VPS13C: variants seen among roughly 807,000 people sequenced by gnomAD.
The protein encoded by VPS13C is intermembrane lipid transfer protein VPS13C.
A neutral mutation model predicts 456.8 loss-of-function variants in VPS13C; 358 were observed. The observed-to-expected ratio is 0.78, with a 90% confidence interval of 0.72 to 0.86. The LOEUF is 0.86. Ranked by LOEUF, VPS13C falls within the 40% of genes least tolerant of loss-of-function variation. The pLI, the probability that VPS13C is intolerant of heterozygous loss-of-function variation, is 0.00. For missense variants in VPS13C, 4,818 were observed against 4,385.4 expected, an observed-to-expected ratio of 1.10 and a Z score of -2.79; for synonymous variants, 1,578 against 1,486.7, an observed-to-expected ratio of 1.06 and a Z score of -1.41.
At chr15:62,059,940 A>C (rs78775412) in intron 1 of VPS13C, among the ~76,000 whole-genome samples, 1,962 of 152,296 alleles carry the variant, frequency 0.013, 55 homozygotes, top group East Asian at 0.097. Context: ...CTCTGTTTTT[A>C]TGCTGTAGGG....
intron 78 of VPS13C, among the ~76,000 whole-genome samples, chr15:61,872,834 C>G (rs1459012162): frequency 6.6e-6 from 1 of 151,878 alleles, no homozygotes; most frequent in Non-Finnish European, 1.5e-5. Context: ...TCATATATTA[C>G]CTATATAATT....
chr15:61,939,725 T>C (rs2044351594), intron 47 of VPS13C, among the ~76,000 whole-genome samples: 1 of 152,196 alleles, frequency 6.6e-6, no homozygotes, highest in Non-Finnish European at 1.5e-5. Context: ...CGGAGCACGG[T>C]GGCTCACGCC....
intron 15 of VPS13C, among the ~76,000 whole-genome samples, chr15:62,001,073 A>G (rs1439679290): frequency 6.6e-6 from 1 of 152,232 alleles, no homozygotes; most frequent in Non-Finnish European, 1.5e-5. Context: ...ATTAGGCTAA[A>G]GTAGAAACTG....
At chr15:62,045,792 AC>A (rs1207235162) in intron 1 of VPS13C, among the ~76,000 whole-genome samples, 3 of 152,128 alleles carry the variant, frequency 2.0e-5, no homozygotes, top group African/African-American at 7.2e-5. Context: ...GGAAAGGAGG[AC>A]CTAAAGATCT....
At chr15:61,991,889 T>A in intron 16 of VPS13C, 87 bp from the exon 17 acceptor site, 5 of 260,700 alleles carry the variant, frequency 1.9e-5, no homozygotes, top group Non-Finnish European at 2.4e-5. Flanking sequence ...ACAATGGTTC[T>A]TTTTTTTTTT....
At chr15:61,962,943 T>C in intron 32 of VPS13C, 91 bp from the exon 33 acceptor site, 1 of 958,696 alleles carries the variant, frequency 1.0e-6, no homozygotes, top group Non-Finnish European at 1.4e-6. Context: ...TGGGGTGACT[T>C]TTTTAAATTT....
intron 18 of VPS13C, among the ~76,000 whole-genome samples, chr15:61,985,294 A>G (rs1333642990): frequency 6.6e-6 from 1 of 152,140 alleles, no homozygotes; most frequent in Admixed American, 6.5e-5. Context: ...GACTTGCTCT[A>G]TTGCCAGGCT....
chr15:61,928,912 A>G lies in VPS13C; in HGVS notation c.6286+589T>C, dbSNP rs562176907. Among the ~76,000 whole-genome samples the G allele has an allele frequency of 1.1e-4, 17 of 152,050 alleles. No individual in the cohort carries two copies. The South Asian group carries it at 3.1e-3, about 28-fold the overall frequency. On this transcript the variant is annotated intron_variant, in intron 51 of 84. Transcript: ENST00000644861. The stretch of plus-strand genomic sequence containing the variant: ...AAAAATTTTAAAAAAAAAGGAGAGA[A>G]GAGGAGAGGAGAGAACAGGAAAGAA...
intron 4 of VPS13C, among the ~76,000 whole-genome samples, chr15:62,034,442 TAA>T (rs1451349084): frequency 2.0e-5 from 3 of 151,580 alleles, no homozygotes; most frequent in Non-Finnish European, 4.4e-5. Context: ...AAAATAATAA[TAA>T]AGATATTACT....
rs199727933 is a variant in VPS13C, at chr15:61,997,447, T to C, written c.1353+3117A>G. On this transcript the variant is annotated intron_variant, in intron 16 of 84. Coordinates refer to ENST00000644861, the MANE Select transcript of VPS13C (RefSeq NM_020821.3). ...TGTGCTGACCCTTCCTACATTTCTA[T>C]ATCCAGCACAGACTCCTCTTCTGAA... is the stretch of plus-strand genomic sequence containing the variant. Among the ~76,000 whole-genome samples, 11 of 152,134 alleles carry C rather than the reference T, an allele frequency of 7.2e-5. No homozygotes were observed. In the East Asian group the frequency reaches 2.1e-3, roughly 29 times the overall value.
In VPS13C at chr15:61,991,761, G is replaced by A. The variant is rs1200248883; in HGVS notation, c.1395C>T (p.Asp465=). 2 of 1,612,844 alleles carry A rather than the reference G, an allele frequency of 1.2e-6. No homozygotes were observed. The highest frequency in any genetic ancestry group is 1.7e-6 in the Non-Finnish European group (2 of 1,179,610). ...SGQKLRKKSA[D]TGEKRGGWFS... is the part of the protein sequence containing the mutation. ...ACCAGCCTCCACGTTTCTCGCCTGT[G>A]TCAGCAGACTTTTTCCTTAATTTTT... Residue 465 remains aspartate (D), a synonymous_variant, in exon 17 of 85, where the codon GAC becomes GAT. Transcript: ENST00000644861.
At chr15:61,872,166 A>C (rs540074938) in intron 78 of VPS13C, 132 bp from the exon 79 acceptor site, 10 of 662,622 alleles carry the variant, frequency 1.5e-5, no homozygotes, top group Non-Finnish European at 2.0e-5. Context: ...TAACTTGATA[A>C]TGTGAACAAC....
In VPS13C at chr15:61,961,777, G is replaced by A. The variant is rs1371214114; in HGVS notation, c.3720C>T (p.Ser1240=). Residue 1240 remains serine (S), a synonymous_variant, in exon 35 of 85, where the codon TCC becomes TCT. Coordinates refer to ENST00000644861, the MANE Select transcript of VPS13C (RefSeq NM_020821.3). The part of the protein sequence containing the change: ...KDLAQRSFRV[S]INIDLKAPVI... ...CCGGTGCTTTCAAATCAATATTGATGGAAACACGAAAACTCCTCTGGGCAA... is the reference window on the plus strand; with the variant it reads ...CCGGTGCTTTCAAATCAATATTGATAGAAACACGAAAACTCCTCTGGGCAA... 1.2e-6 allele frequency: 2 copies of A among 1,613,866 alleles called. No homozygotes were observed. The highest frequency in any genetic ancestry group is 1.3e-5 in the African/African-American group (1 of 74,878).
intron 14 of VPS13C, among the ~76,000 whole-genome samples, chr15:62,008,173 A>G (rs1185457218): frequency 2.6e-5 from 4 of 151,934 alleles, no homozygotes; most frequent in Admixed American, 6.6e-5. Context: ...GGAGGTTGCA[A>G]TGAGCCAAGA....
At position 61,901,348 on chromosome 15, in the gene VPS13C, C is replaced by T. The variant is rs1164474184; in HGVS notation, c.9105+5916G>A. On this transcript the variant is annotated intron_variant, in intron 66 of 84. Transcript: ENST00000644861. ...AACCTACAAAATGGGAGAAAAGTTT[C>T]GCAACCTACTCATCTGACAAAGGGC... Among the ~76,000 whole-genome samples, 22 of 152,054 alleles carry T rather than the reference C, an allele frequency of 1.4e-4. No individual in the cohort carries two copies. In the South Asian group the frequency reaches 1.7e-3, roughly 12 times the overall value.
intron 51 of VPS13C, among the ~76,000 whole-genome samples, chr15:61,927,949 A>T (rs2043917339): frequency 6.6e-6 from 1 of 151,534 alleles, no homozygotes; most frequent in South Asian, 2.1e-4. Flanking sequence ...AGGACAAAAA[A>T]CCAAACACTG....
At position 61,911,961 on chromosome 15, in the gene VPS13C, A is replaced by C; in HGVS notation, c.8594T>G (p.Ile2865Arg). The change falls in exon 63 of 85, where the codon ATA (isoleucine) becomes AGA (arginine). Residue 2865 changes from isoleucine (I) to arginine (R), a missense_variant. Coordinates refer to ENST00000644861, the MANE Select transcript of VPS13C (RefSeq NM_020821.3). ...GGTACAAAAGGGAGTCAGGGTAACT[A>C]TTCGTGAAAGGTTGAAACTGCTCAT... ...IKMSSFNLSR[I>R]VTLTPFCTIA... 1 of 1,611,404 alleles carries C rather than the reference A, an allele frequency of 6.2e-7. No homozygotes were observed. Among genetic ancestry groups the C allele is most frequent in the Non-Finnish European group, 8.5e-7 (1 of 1,178,648 alleles).
At position 61,959,445 on chromosome 15, in the gene VPS13C, T is replaced by TA; in HGVS notation, c.4056+2dup. The TA allele has an allele frequency of 6.2e-7, 1 of 1,608,402 alleles. No homozygotes were observed. Among genetic ancestry groups the TA allele is most frequent in the Non-Finnish European group, 8.5e-7 (1 of 1,176,452 alleles). On this transcript the variant is annotated splice_region_variant and intron_variant, in intron 36 of 84. Coordinates refer to ENST00000644861, the MANE Select transcript of VPS13C (RefSeq NM_020821.3). Reference sequence around the variant, plus strand: ...GAAGTTTTTTCTTCACTCATATACTTACATTCATTGAATCAAGATGTCCTT... The same window carrying TA: ...GAAGTTTTTTCTTCACTCATATACTTAACATTCATTGAATCAAGATGTCCTT...
chr15:61,936,318 A>G (rs2044225001), intron 48 of VPS13C, among the ~76,000 whole-genome samples: 1 of 152,048 alleles, frequency 6.6e-6, no homozygotes, highest in Non-Finnish European at 1.5e-5. Context: ...ATCTAGCTTG[A>G]TTCTTCTCTC....
Sources: allele counts gnomAD v4.1 joint callset (sites outside exome capture counted in the v4.1 genomes callset), GRCh38; gene constraint gnomAD v4.1.1; transcripts MANE v1.5; gene names NCBI Gene and HGNC (gene_info 2026-07-23, HGNC 2026-07-21).